The following TMEM132D variants were observed in gnomAD, a reference collection of about 807,000 sequenced individuals.
The protein encoded by TMEM132D is mature OL transmembrane protein.
In TMEM132D, 21 loss-of-function variants were observed where a neutral mutation model predicts 62.3. The ratio of observed to expected loss-of-function variants is 0.34; its 90% CI spans 0.24 to 0.49. The LOEUF is 0.49. TMEM132D is among the 20% of genes least tolerant of loss of function. The pLI, the probability that TMEM132D is intolerant of heterozygous loss-of-function variation, is 0.99. For missense variants in TMEM132D, 1,346 were observed against 1,402.8 expected, an observed-to-expected ratio of 0.96 and a Z score of 0.65; for synonymous variants, 621 against 575.6, an observed-to-expected ratio of 1.08 and a Z score of -1.13.
intron 3 of TMEM132D, among the ~76,000 whole-genome samples, chr12:129,421,321 C>T (rs1872318722): frequency 6.6e-6 from 1 of 152,180 alleles, no homozygotes; most frequent in Non-Finnish European, 1.5e-5. Flanking sequence ...CAATTGTATT[C>T]AGCATCCATT....
At chr12:129,463,887 G>C (rs1442765923) in intron 3 of TMEM132D, among the ~76,000 whole-genome samples, 1 of 150,644 alleles carries the variant, frequency 6.6e-6, no homozygotes, top group African/African-American at 2.4e-5. Flanking sequence ...TTGGACATTT[G>C]GCTTGGTTCC....
chr12:129,535,777 CGTGTGTGTGTGTGTGTGTGT>C (rs779067793), intron 2 of TMEM132D, among the ~76,000 whole-genome samples: 2 of 74,672 alleles, frequency 2.7e-5, no homozygotes, highest in Non-Finnish European at 5.5e-5. Flanking sequence ...GATTTGTGTG[CGTGTGTGTGTGTGTGTGTGT>C]GTGTGTGTGT....
rs191164880 is a variant in TMEM132D, at chr12:129,752,032, T to G, written c.80-51334A>C. Among the ~76,000 whole-genome samples the G allele has an allele frequency of 1.5e-3, 228 of 152,294 alleles. 1 individual carries two copies. The highest frequency in any genetic ancestry group is 5.1e-3 in the African/African-American group (212 of 41,558). On this transcript the variant is annotated intron_variant, in intron 1 of 8. Transcript: ENST00000422113. ...TATTTGCTTAACAAAATCCCAATTCTTTAAAATGATAATGAGAGAAATATC... is the reference window on the plus strand; with the variant it reads ...TATTTGCTTAACAAAATCCCAATTCGTTAAAATGATAATGAGAGAAATATC...
chr12:129,463,369 C>T (rs967902196), intron 3 of TMEM132D, among the ~76,000 whole-genome samples: 2 of 151,808 alleles, frequency 1.3e-5, no homozygotes, highest in African/African-American at 2.4e-5. Flanking sequence ...ACAGGTAAGC[C>T]TATCTCAGCT....
intron 3 of TMEM132D, among the ~76,000 whole-genome samples, chr12:129,350,948 G>C (rs2135667962): frequency 6.6e-6 from 1 of 152,300 alleles, no homozygotes; most frequent in Non-Finnish European, 1.5e-5. Flanking sequence ...TTCCAGTGCA[G>C]GTATCAGGCA....
At chr12:129,687,309 A>G (rs1880955548) in intron 2 of TMEM132D, among the ~76,000 whole-genome samples, 1 of 152,194 alleles carries the variant, frequency 6.6e-6, no homozygotes, top group African/African-American at 2.4e-5. Flanking sequence ...TTTTGGGGGA[A>G]CAAATTAATG....
chr12:129,421,973 C>G (rs1872337324), intron 3 of TMEM132D, among the ~76,000 whole-genome samples: 1 of 152,006 alleles, frequency 6.6e-6, no homozygotes, highest in African/African-American at 2.4e-5. Flanking sequence ...CATCGTTCCC[C>G]CAGATTCTTT....
chr12:129,333,401 T>C (rs1353425827), intron 4 of TMEM132D, among the ~76,000 whole-genome samples: 1 of 152,246 alleles, frequency 6.6e-6, no homozygotes, highest in East Asian at 1.9e-4. Context: ...ATATAAACCA[T>C]AGGTTATTTT....
At chr12:129,840,373 C>T (rs1162625120) in intron 1 of TMEM132D, 1 of 152,194 alleles carries the variant, frequency 6.6e-6, no homozygotes, top group African/African-American at 2.4e-5. Flanking sequence ...ATGCCAAGTC[C>T]CTGGCACCCA....
chr12:129,267,866 C>G (rs1050618936), intron 4 of TMEM132D, among the ~76,000 whole-genome samples: 7 of 152,252 alleles, frequency 4.6e-5, no homozygotes, highest in African/African-American at 1.7e-4. Flanking sequence ...ACAGAGCCCT[C>G]AGAAATAATG....
At chr12:129,462,707 T>C (rs190813085) in intron 3 of TMEM132D, among the ~76,000 whole-genome samples, 15 of 152,318 alleles carry the variant, frequency 9.8e-5, no homozygotes, top group Non-Finnish European at 1.5e-5. Context: ...GCTCTGGCAA[T>C]TAAGTTTTGG....
chr12:129,587,358 T>A (rs1254864671), intron 2 of TMEM132D, among the ~76,000 whole-genome samples: 1 of 152,074 alleles, frequency 6.6e-6, no homozygotes, highest in Non-Finnish European at 1.5e-5. Flanking sequence ...CATGGGCACG[T>A]AGAGGGTAAG....
At chr12:129,715,445 T>G (rs1209786711) in intron 1 of TMEM132D, among the ~76,000 whole-genome samples, 1 of 152,220 alleles carries the variant, frequency 6.6e-6, no homozygotes, top group Non-Finnish European at 1.5e-5. Context: ...TGTGCTTCAG[T>G]GAAAACTGAT....
intron 5 of TMEM132D, among the ~76,000 whole-genome samples, chr12:129,136,756 CCAT>C (rs1876575091): frequency 7.6e-6 from 1 of 131,236 alleles, no homozygotes; most frequent in South Asian, 2.5e-4. Context: ...ACCACCTCCA[CCAT>C]CATCACCATC....
At chr12:129,408,527 T>C (rs909982079) in intron 3 of TMEM132D, among the ~76,000 whole-genome samples, 3 of 152,058 alleles carry the variant, frequency 2.0e-5, no homozygotes, top group African/African-American at 7.2e-5. Context: ...GGGAGTGCTT[T>C]TTTTCTACTG....
intron 4 of TMEM132D, among the ~76,000 whole-genome samples, chr12:129,260,022 G>A (rs934764887): frequency 2.0e-5 from 3 of 152,198 alleles, no homozygotes; most frequent in African/African-American, 4.8e-5. Context: ...CAGATAGGCA[G>A]TTGAGCCTGA....
chr12:129,659,939 A>T (rs1880193090), intron 2 of TMEM132D, among the ~76,000 whole-genome samples: 1 of 152,222 alleles, frequency 6.6e-6, no homozygotes, highest in Non-Finnish European at 1.5e-5. Flanking sequence ...GGATGGGATT[A>T]CCAGGAGGCA....
intron 3 of TMEM132D, among the ~76,000 whole-genome samples, chr12:129,515,524 C>A (rs1875646770): frequency 6.6e-6 from 1 of 152,098 alleles, no homozygotes; most frequent in Admixed American, 6.6e-5. Flanking sequence ...AAATATGGAA[C>A]TTTGGCGATT....
chr12:129,166,832 C>T (rs1877576840), intron 5 of TMEM132D, among the ~76,000 whole-genome samples: 2 of 151,338 alleles, frequency 1.3e-5, no homozygotes, highest in Admixed American at 1.3e-4. Flanking sequence ...ACTCGGAAGA[C>T]ACAAGTACAT....
Sources: gnomAD v4.1 joint callset for allele counts (sites outside exome capture counted in the v4.1 genomes callset) on GRCh38, gnomAD v4.1.1 for gene constraint, MANE v1.5 for transcripts, NCBI Gene and HGNC (gene_info 2026-07-23, HGNC 2026-07-21) for gene names.